Variants in ZNF407 observed in about 807,000 individuals in gnomAD.
The protein encoded by ZNF407 is zinc finger protein 407.
In ZNF407, 17 loss-of-function variants were observed where a neutral mutation model predicts 131.2. That is an observed-to-expected ratio of 0.13 (90% CI 0.09 to 0.19). The LOEUF (loss-of-function observed/expected upper bound fraction) is 0.19, where lower values mean the gene tolerates loss of function less well. Ranked by LOEUF, ZNF407 falls within the 10% of genes least tolerant of loss-of-function variation. ZNF407 has a pLI of 1.00. For synonymous variants in ZNF407, 1,156 were observed against 1,062.0 expected (o/e 1.09, Z -1.72); for missense variants, 2,681 against 2,830.6 (o/e 0.95, Z 1.20).
rs1044490003 is a variant in ZNF407, at chr18:74,610,418, G to A, written c.-54+12481G>A. 5.9e-5 allele frequency among the ~76,000 whole-genome samples: 9 copies of A among 152,222 alleles called. No homozygotes were observed. The East Asian group carries it at 1.4e-3, about 23-fold the overall frequency. ...CTCGGTCTCTCTTGTGCGTGCATGCGTGCAAGCAGCTTACCCTCCAGATAG... is the reference window on the plus strand; with the variant it reads ...CTCGGTCTCTCTTGTGCGTGCATGCATGCAAGCAGCTTACCCTCCAGATAG... On this transcript the variant is annotated intron_variant, in intron 1 of 8. Transcript: ENST00000299687.
chr18:74,777,482 T>C (rs955429217), intron 3 of ZNF407, among the ~76,000 whole-genome samples: 1 of 152,200 alleles, frequency 6.6e-6, no homozygotes, highest in Non-Finnish European at 1.5e-5. Flanking sequence ...GGCTCTTGGA[T>C]GTTCAGTAGG....
intron 7 of ZNF407, among the ~76,000 whole-genome samples, chr18:74,902,693 C>T (rs983206536): frequency 1.2e-4 from 19 of 152,128 alleles, no homozygotes; most frequent in African/African-American, 4.1e-4. Flanking sequence ...TCTCTTTGCA[C>T]GACTTAATAA....
chr18:74,631,908 G>A lies in ZNF407; in HGVS notation c.889G>A (p.Ala297Thr), dbSNP rs897424536. The change falls in exon 2 of 9, where the codon GCA (alanine) becomes ACA (threonine). Residue 297 changes from alanine (A) to threonine (T), a missense_variant. Physicochemically the swap from Ala to Thr is moderately conservative, Grantham distance 58. Coordinates refer to ENST00000299687, the MANE Select transcript of ZNF407 (RefSeq NM_017757.3). ...QPFPKKSRTM[A>T]TKNVHSKPRT... is the part of the protein sequence containing the mutation. ...TTTTCCTAAAAAATCACGTACAATG[G>A]CAACAAAAAATGTTCACTCAAAACC... The A allele has an allele frequency of 5.0e-6, 8 of 1,613,730 alleles. No homozygotes were observed. The highest frequency in any genetic ancestry group is 3.3e-5 in the Admixed American group (2 of 59,958).
intron 7 of ZNF407, among the ~76,000 whole-genome samples, chr18:74,906,093 C>T (rs1280434453): frequency 1.3e-5 from 2 of 152,130 alleles, no homozygotes; most frequent in Non-Finnish European, 2.9e-5. Context: ...TACCTGCATT[C>T]CCAGCACTTC....
chr18:74,795,243 T>C (rs1969897889), intron 4 of ZNF407, among the ~76,000 whole-genome samples: 1 of 152,276 alleles, frequency 6.6e-6, no homozygotes, highest in East Asian at 1.9e-4. Flanking sequence ...TCTGGGGCCG[T>C]TGGCAAAATA....
rs114436329 is a variant in ZNF407, at chr18:74,993,274, G to T, written c.5429-69876G>T. ...ATAACTCTAGTGCCCATCAACAGCAGATGAATGGACAATTCATCCGTAACA... is the reference window on the plus strand; with the variant it reads ...ATAACTCTAGTGCCCATCAACAGCATATGAATGGACAATTCATCCGTAACA... On this transcript the variant is annotated intron_variant, in intron 8 of 8. Transcript: ENST00000299687. Among the ~76,000 whole-genome samples the T allele has an allele frequency of 7.8e-3, 1,190 of 152,302 alleles. 14 individuals carry two copies. The highest frequency in any genetic ancestry group is 0.028 in the African/African-American group (1,147 of 41,566).
At chr18:74,630,899 A>G in intron 1 of ZNF407, 68 bp from the exon 2 acceptor site, 7 of 1,213,640 alleles carry the variant, frequency 5.8e-6, no homozygotes, top group Non-Finnish European at 7.8e-6. Flanking sequence ...ATACTTTTTC[A>G]TCTAGTTTTA....
At chr18:74,755,476 A>C (rs1299939109) in intron 3 of ZNF407, among the ~76,000 whole-genome samples, 1 of 152,068 alleles carries the variant, frequency 6.6e-6, no homozygotes, top group African/African-American at 2.4e-5. Context: ...TGAATTGATC[A>C]TAAATGTAAA....
At chr18:74,892,374 G>A (rs537044753) in intron 7 of ZNF407, among the ~76,000 whole-genome samples, 1 of 152,184 alleles carries the variant, frequency 6.6e-6, no homozygotes, top group Non-Finnish European at 1.5e-5. Context: ...TGGGTTCTTA[G>A]TGGACCAACC....
At chr18:74,642,022 G>T (rs1417930084) in intron 3 of ZNF407, among the ~76,000 whole-genome samples, 2 of 149,586 alleles carry the variant, frequency 1.3e-5, no homozygotes, top group African/African-American at 4.9e-5. Flanking sequence ...ATTATATTAG[G>T]TTTTTTTTTT....
At chr18:74,746,818 C>T (rs1216569409) in intron 3 of ZNF407, among the ~76,000 whole-genome samples, 2 of 151,684 alleles carry the variant, frequency 1.3e-5, no homozygotes, top group Non-Finnish European at 2.9e-5. Context: ...AAAAGGAGTA[C>T]ACTCTAAAGT....
At chr18:74,887,306 A>C (rs1366521091) in intron 6 of ZNF407, among the ~76,000 whole-genome samples, 1 of 152,140 alleles carries the variant, frequency 6.6e-6, no homozygotes, top group Non-Finnish European at 1.5e-5. Context: ...CCAGAGGTTT[A>C]GAAACTGAGA....
intron 3 of ZNF407, among the ~76,000 whole-genome samples, chr18:74,704,081 TC>T (rs1967565142): frequency 1.3e-5 from 2 of 152,148 alleles, no homozygotes; most frequent in African/African-American, 4.8e-5. Flanking sequence ...ATCTCATGTG[TC>T]CTCCAAGTAA....
intron 8 of ZNF407, among the ~76,000 whole-genome samples, chr18:74,929,973 A>C (rs1027470089): frequency 6.6e-6 from 1 of 152,236 alleles, no homozygotes; most frequent in African/African-American, 2.4e-5. Flanking sequence ...CCAAATGTTA[A>C]CATCAAACAT....
chr18:74,671,363 A>G (rs1020721618), intron 3 of ZNF407, among the ~76,000 whole-genome samples: 7 of 150,474 alleles, frequency 4.7e-5, no homozygotes, highest in Admixed American at 1.3e-4. Flanking sequence ...AGTTATTTTT[A>G]TATTTTTAAC....
At chr18:74,895,177 A>T (rs1971437146) in intron 7 of ZNF407, among the ~76,000 whole-genome samples, 1 of 151,564 alleles carries the variant, frequency 6.6e-6, no homozygotes. Flanking sequence ...ACCAGTGTTA[A>T]TGACTTCTAC....
intron 3 of ZNF407, among the ~76,000 whole-genome samples, chr18:74,773,364 A>G (rs1320276879): frequency 5.6e-5 from 8 of 142,578 alleles, no homozygotes; most frequent in Admixed American, 5.4e-4. Context: ...GTAGAAGCCA[A>G]GTTACTAGAG....
Position 75,014,917 on chromosome 18 carries a change from G to A in ZNF407, c.5429-48233G>A, listed in dbSNP as rs571364469. Among the ~76,000 whole-genome samples the A allele has an allele frequency of 3.9e-5, 6 of 152,150 alleles. No homozygotes were observed. In the East Asian group the frequency reaches 9.7e-4, roughly 24 times the overall value. ...AGTTGGAAATTTCATAGTAATTTAA[G>A]AAACATACATCATGTTACTTAGTTC... On this transcript the variant is annotated intron_variant, in intron 8 of 8. Transcript: ENST00000299687.
chr18:75,055,179 G>T (rs1342569021), intron 8 of ZNF407, among the ~76,000 whole-genome samples: 16 of 152,184 alleles, frequency 1.1e-4, no homozygotes, highest in Non-Finnish European at 2.1e-4. Context: ...ACTTTCTGCT[G>T]GCACATCAAC....
Sources: gnomAD v4.1 joint callset for allele counts (sites outside exome capture counted in the v4.1 genomes callset) on GRCh38, gnomAD v4.1.1 for gene constraint, MANE v1.5 for transcripts, NCBI Gene and HGNC (gene_info 2026-07-23, HGNC 2026-07-21) for gene names.